Variants in SNX1 observed in about 807,000 individuals in gnomAD.
SNX1 encodes the protein sorting nexin-1.
In SNX1, 36 loss-of-function variants were observed where a neutral mutation model predicts 71.8. That is an observed-to-expected ratio of 0.50 (90% confidence interval 0.38 to 0.66). SNX1 has a LOEUF of 0.66. Ranked by LOEUF, SNX1 falls within the 30% of genes least tolerant of loss-of-function variation. SNX1 has a pLI of 0.00. For missense variants in SNX1, 612 were observed against 646.7 expected (o/e 0.95, Z 0.58); for synonymous variants, 254 against 240.7 (o/e 1.06, Z -0.51).
At chr15:64,099,991 C>T (rs2080941729) in intron 1 of SNX1, among the ~76,000 whole-genome samples, 1 of 152,218 alleles carries the variant, frequency 6.6e-6, no homozygotes, top group Non-Finnish European at 1.5e-5. Context: ...GGATTACAGG[C>T]ATGAGCCACC....
rs1445023178 is a variant in SNX1, at chr15:64,137,957, T to A, written c.*339T>A. ...AACTGGGAATAACGTTTTCTGTTACTCCTGATGGTGCCATGAAAAGGTTAT... is the reference window on the plus strand; with the variant it reads ...AACTGGGAATAACGTTTTCTGTTACACCTGATGGTGCCATGAAAAGGTTAT... On this transcript the variant is annotated 3_prime_UTR_variant, in exon 15 of 15. Transcript: ENST00000559844. 4.9e-6 allele frequency: 7 copies of A among 1,434,524 alleles called. No homozygotes were observed. Among genetic ancestry groups the A allele is most frequent in the Middle Eastern group, 2.2e-4 (1 of 4,528 alleles). 88.9% of individuals were successfully genotyped at this position (1,434,524 alleles called of 1,614,324 possible).
At chr15:64,131,055 C>T (rs1454204174) in intron 10 of SNX1, among the ~76,000 whole-genome samples, 1 of 152,168 alleles carries the variant, frequency 6.6e-6, no homozygotes, top group Non-Finnish European at 1.5e-5. Context: ...GAGGCCGAGG[C>T]AGGTGGGTCA....
At position 64,137,562 on chromosome 15, in the gene SNX1, T is replaced by C. The variant is rs2081371790; in HGVS notation, c.1519-6T>C. 6.2e-7 allele frequency: 1 copy of C among 1,614,042 alleles called. No homozygotes were observed. The highest frequency in any genetic ancestry group is 1.3e-5 in the African/African-American group (1 of 74,936). On this transcript the variant is annotated splice_region_variant and splice_polypyrimidine_tract_variant and intron_variant, in intron 14 of 14. Coordinates refer to ENST00000559844, the MANE Select transcript of SNX1 (RefSeq NM_003099.5). ...GCACTTGCTTAATGTCCCCACTTCT[T>C]TGCAGCTGGCAAAGTACTGGGAAGC... is the stretch of plus-strand genomic sequence containing the variant.
chr15:64,140,032 G>A lies in SNX1; in HGVS notation c.*2414G>A, dbSNP rs1365472887. ...ATTAATGTTGTTAACTCTGTTCACC[G>A]CTTAGGTTGGTGTCTGCCAGATTTC... is the stretch of plus-strand genomic sequence containing the variant. On this transcript the variant is annotated 3_prime_UTR_variant, in exon 15 of 15. Coordinates refer to ENST00000559844, the MANE Select transcript of SNX1 (RefSeq NM_003099.5). The A allele has an allele frequency of 6.6e-6, 1 of 152,168 alleles. No homozygotes were observed. The highest frequency in any genetic ancestry group is 2.4e-5 in the African/African-American group (1 of 41,422). 9.4% of individuals were successfully genotyped at this position (152,168 alleles called of 1,614,324 possible). A position where few individuals can be genotyped will look rare whatever the true frequency, so the allele number is the denominator to read the frequency against.
At chr15:64,109,329 G>A (rs984416608) in intron 1 of SNX1, among the ~76,000 whole-genome samples, 7 of 151,866 alleles carry the variant, frequency 4.6e-5, no homozygotes, top group African/African-American at 1.4e-4. Context: ...CCAAGACCAC[G>A]CCACTGCACA....
chr15:64,134,783 G>A lies in SNX1; in HGVS notation c.1341G>A (p.Gln447=). 2 of 1,614,020 alleles carry A rather than the reference G, an allele frequency of 1.2e-6. No individual in the cohort carries two copies. The highest frequency in any genetic ancestry group is 1.7e-6 in the Non-Finnish European group (2 of 1,180,042). ...LLWANKPDKL[Q]QAKDEILEWE... ...GGGCCAACAAGCCTGATAAGCTGCA[G>A]CAGGCCAAGGACGAGATCCTCGAGG... Residue 447 remains glutamine (Q), a synonymous_variant, in exon 12 of 15, where the codon CAG becomes CAA. Coordinates refer to ENST00000559844, the MANE Select transcript of SNX1 (RefSeq NM_003099.5). The surrounding 1 kb of genome is among the most constrained non-coding windows in gnomAD (Gnocchi z 4.1).
Position 64,142,486 on chromosome 15 carries a change from G to A in SNX1, c.*4868G>A, listed in dbSNP as rs917579293. 1 of 341,760 alleles carries A rather than the reference G, an allele frequency of 2.9e-6. No homozygotes were observed. The highest frequency in any genetic ancestry group is 5.8e-6 in the Non-Finnish European group (1 of 171,696). 21.2% of individuals were successfully genotyped at this position (341,760 alleles called of 1,614,324 possible). A position where few individuals can be genotyped will look rare whatever the true frequency, so the allele number is the denominator to read the frequency against. ...AGAATGACTATCAGAGCCATGTTTG[G>A]AAGAAAATGGGGTCCAGAGCACAGG... On this transcript the variant is annotated 3_prime_UTR_variant, in exon 15 of 15. Coordinates refer to ENST00000559844, the MANE Select transcript of SNX1 (RefSeq NM_003099.5).
intron 5 of SNX1, 150 bp from the exon 6 acceptor site, chr15:64,125,929 T>G: frequency 1.3e-6 from 1 of 798,976 alleles, no homozygotes; most frequent in South Asian, 1.6e-5. Context: ...TTAAAAAGTT[T>G]AAGACTCTCT....
rs1449934975 is a variant in SNX1 at position 64,096,104 on chromosome 15, G to A, written c.91G>A (p.Gly31Arg). 1.3e-6 allele frequency: 2 copies of A among 1,564,360 alleles called. No homozygotes were observed. The highest frequency in any genetic ancestry group is 1.7e-6 in the Non-Finnish European group (2 of 1,156,488). ...GCCGGAGTCCGAGGGGGCGGCCGGG[G>A]GATCAGAACCCGAGGCTGGGGACAG... ...LEPESEGAAG[G>R]SEPEAGDSDT... Residue 31 changes from glycine to arginine, a missense_variant, in exon 1 of 15, where the codon GGA (glycine) becomes AGA (arginine). Gly to Arg is a moderately radical substitution (Grantham distance 125). Transcript: ENST00000559844.
In SNX1 at chr15:64,143,500, C is replaced by T. The variant is rs2062952842; in HGVS notation, c.*5882C>T. On this transcript the variant is annotated 3_prime_UTR_variant, in exon 15 of 15. Coordinates refer to ENST00000559844, the MANE Select transcript of SNX1 (RefSeq NM_003099.5). ...CCCAGTTGCAGGCTCTGCCACCTGGCGTTCATACTGTCTGTGAAAGGACCC... is the reference window on the plus strand; with the variant it reads ...CCCAGTTGCAGGCTCTGCCACCTGGTGTTCATACTGTCTGTGAAAGGACCC... 1 of 152,196 alleles carries T rather than the reference C, an allele frequency of 6.6e-6. No individual in the cohort carries two copies. Among genetic ancestry groups the T allele is most frequent in the African/African-American group, 2.4e-5 (1 of 41,446 alleles). The allele number at this position is 152,196 out of a possible 1,614,324, so 9.4% of individuals were successfully genotyped here.
At chr15:64,101,685 G>C (rs1024335313) in intron 1 of SNX1, among the ~76,000 whole-genome samples, 2 of 152,130 alleles carry the variant, frequency 1.3e-5, no homozygotes, top group African/African-American at 4.8e-5. Context: ...CCTCCATACT[G>C]CTTTCCATGG....
intron 1 of SNX1, among the ~76,000 whole-genome samples, chr15:64,108,255 A>G (rs753428489): frequency 5.9e-5 from 9 of 152,142 alleles, no homozygotes; most frequent in Non-Finnish European, 1.2e-4. Context: ...CATTGAATGT[A>G]ATCAGTACGT....
At chr15:64,136,511 A>G (rs1196701103) in intron 13 of SNX1, 101 bp downstream of exon 13, 1 of 1,038,378 alleles carries the variant, frequency 9.6e-7, no homozygotes, top group African/African-American at 1.6e-5. Flanking sequence ...AGGTGCCAGT[A>G]ACTTGGCAGT....
intron 6 of SNX1, 144 bp from the exon 7 acceptor site, chr15:64,127,030 G>T (rs2081261029): frequency 1.6e-6 from 1 of 626,200 alleles, no homozygotes; most frequent in South Asian, 1.9e-5. Flanking sequence ...AGAACCTTTT[G>T]TTCATCCCTG....
Position 64,131,697 on chromosome 15 carries a change from G to C in SNX1, c.1026G>C (p.Leu342=), listed in dbSNP as rs2081308692. 1 of 1,613,914 alleles carries C rather than the reference G, an allele frequency of 6.2e-7. No individual in the cohort carries two copies. Among genetic ancestry groups the C allele is most frequent in the Admixed American group, 1.7e-5 (1 of 59,994 alleles). The change falls in exon 11 of 15, where the codon CTG becomes CTC. Residue 342 remains leucine, a synonymous_variant. Transcript: ENST00000559844. ...TLVNHRKELA[L]NTAQFAKSLA... is the part of the protein sequence containing the mutation. Reference sequence around the variant, plus strand: ...TTTTCCTCCTTCCAGAGCTAGCGCTGAACACAGCCCAGTTTGCAAAGAGTC... The same window carrying C: ...TTTTCCTCCTTCCAGAGCTAGCGCTCAACACAGCCCAGTTTGCAAAGAGTC...
At chr15:64,103,209 A>G (rs1325328640) in intron 1 of SNX1, among the ~76,000 whole-genome samples, 1 of 152,184 alleles carries the variant, frequency 6.6e-6, no homozygotes, top group Non-Finnish European at 1.5e-5. Flanking sequence ...TTTCTTTTGG[A>G]TACATACCTA....
intron 1 of SNX1, among the ~76,000 whole-genome samples, chr15:64,109,311 G>T (rs116990969): frequency 0.013 from 1,920 of 152,152 alleles, 24 homozygotes; most frequent in Non-Finnish European, 0.019. Flanking sequence ...AACAGAGGTT[G>T]CAGTGAGCCA....
intron 2 of SNX1, 101 bp from the exon 3 acceptor site, chr15:64,118,016 G>T: frequency 9.0e-7 from 1 of 1,116,664 alleles, no homozygotes. Context: ...TCTATGTATT[G>T]AGAGTGCTTG....
At chr15:64,131,112 G>T (rs1358492896) in intron 10 of SNX1, among the ~76,000 whole-genome samples, 1 of 152,194 alleles carries the variant, frequency 6.6e-6, no homozygotes, top group African/African-American at 2.4e-5. Context: ...GTGAAACCCT[G>T]TCTCTGCTAA....
Sources: allele counts gnomAD v4.1 joint callset (sites outside exome capture counted in the v4.1 genomes callset), GRCh38; gene constraint gnomAD v4.1.1; non-coding constraint Gnocchi (gnomAD v3.1); transcripts MANE v1.5; gene names NCBI Gene and HGNC (gene_info 2026-07-23, HGNC 2026-07-21).